The following NKAIN3 variants were observed in gnomAD, a reference collection of about 807,000 sequenced individuals.
NKAIN3 encodes the protein sodium/potassium-transporting ATPase subunit beta-1-interacting protein 3.
A neutral mutation model predicts 30.2 loss-of-function variants in NKAIN3; 25 were observed. The observed-to-expected ratio is 0.83, with a 90% CI of 0.60 to 1.16. NKAIN3 has a LOEUF of 1.16. NKAIN3 is among the 50% of genes most tolerant of loss of function. The pLI is 0.00. For synonymous variants in NKAIN3, 91 were observed against 89.6 expected, an observed-to-expected ratio of 1.02 and a Z score of -0.09; for missense variants, 225 against 254.1, an observed-to-expected ratio of 0.89 and a Z score of 0.78.
At position 62,576,554 on chromosome 8, in the gene NKAIN3, A is replaced by G. The variant is rs150037538; in HGVS notation, c.55-2985A>G. Among the ~76,000 whole-genome samples, 124 of 152,240 alleles carry G rather than the reference A, an allele frequency of 8.1e-4. 2 individuals are homozygous for G. The East Asian group carries it at 0.022, about 27-fold the overall frequency. On this transcript the variant is annotated intron_variant, in intron 1 of 6. Coordinates refer to ENST00000623646, the MANE Select transcript of NKAIN3 (RefSeq NM_001304533.3). ...CCTTCCACTGCTTTTCTGAATCACA[A>G]CCACTGTTTTCTAGGTGCCATATTC...
intron 3 of NKAIN3, among the ~76,000 whole-genome samples, chr8:62,736,907 T>C (rs1320281264): frequency 6.6e-6 from 1 of 152,182 alleles, no homozygotes; most frequent in Non-Finnish European, 1.5e-5. Flanking sequence ...CCCTATATTT[T>C]CCTCAGCTCT....
chr8:62,595,855 A>G (rs1449445293), intron 3 of NKAIN3, among the ~76,000 whole-genome samples: 1 of 151,962 alleles, frequency 6.6e-6, no homozygotes, highest in African/African-American at 2.4e-5. Flanking sequence ...CCAGGGGTCT[A>G]TGGTAGCTCT....
intron 1 of NKAIN3, among the ~76,000 whole-genome samples, chr8:62,542,970 T>G (rs1027513655): frequency 5.9e-5 from 9 of 152,192 alleles, no homozygotes; most frequent in African/African-American, 2.2e-4. Context: ...GGCTCTTGTA[T>G]TTCTGATCTC....
chr8:62,394,079 C>A (rs1017269075), intron 1 of NKAIN3, among the ~76,000 whole-genome samples: 18 of 152,190 alleles, frequency 1.2e-4, no homozygotes, highest in African/African-American at 4.3e-4. Context: ...TCATTTATTT[C>A]TTTTTTGTCT....
intron 4 of NKAIN3, among the ~76,000 whole-genome samples, chr8:62,787,173 G>A (rs1443136231): frequency 6.6e-6 from 1 of 152,082 alleles, no homozygotes; most frequent in Non-Finnish European, 1.5e-5. Context: ...TTCCTTGAAA[G>A]GCATGGCATT....
chr8:62,955,653 C>A (rs948157644), intron 6 of NKAIN3, among the ~76,000 whole-genome samples: 1 of 152,090 alleles, frequency 6.6e-6, no homozygotes, highest in Non-Finnish European at 1.5e-5. Flanking sequence ...ATGAAATTTT[C>A]TTCTTGAATG....
intron 3 of NKAIN3, among the ~76,000 whole-genome samples, chr8:62,721,272 G>A (rs1815082458): frequency 1.3e-5 from 2 of 152,242 alleles, no homozygotes; most frequent in South Asian, 4.1e-4. Context: ...AACTATGAGA[G>A]TTTTAAATTG....
chr8:62,652,247 G>A (rs1812644243), intron 3 of NKAIN3, among the ~76,000 whole-genome samples: 1 of 152,038 alleles, frequency 6.6e-6, no homozygotes, highest in African/African-American at 2.4e-5. Flanking sequence ...ACTATTACTT[G>A]GCAATTTTTA....
At chr8:62,305,952 G>A (rs888894312) in intron 1 of NKAIN3, among the ~76,000 whole-genome samples, 2 of 150,474 alleles carry the variant, frequency 1.3e-5, no homozygotes, top group Admixed American at 6.6e-5. Context: ...ATTCAGTGGG[G>A]CACAAAAGAA....
At chr8:62,685,046 A>G (rs1048706896) in intron 3 of NKAIN3, among the ~76,000 whole-genome samples, 2 of 152,196 alleles carry the variant, frequency 1.3e-5, no homozygotes, top group Non-Finnish European at 2.9e-5. Context: ...TGCTGTACAC[A>G]TAACATCCCA....
chr8:62,287,165 C>G lies in NKAIN3; in HGVS notation c.54+38038C>G, dbSNP rs771294937. ...TCTGAGACATGCAGATTACAGTAGC[C>G]CTTTGGCTCATACGAGGTTGTGATA... On this transcript the variant is annotated intron_variant, in intron 1 of 6. Coordinates refer to ENST00000623646, the MANE Select transcript of NKAIN3 (RefSeq NM_001304533.3). Among the ~76,000 whole-genome samples the G allele has an allele frequency of 4.0e-5, 6 of 151,028 alleles. No individual in the cohort carries two copies. In the East Asian group the frequency reaches 1.2e-3, roughly 30 times the overall value.
At chr8:62,298,640 C>T (rs1265875582) in intron 1 of NKAIN3, among the ~76,000 whole-genome samples, 4 of 152,106 alleles carry the variant, frequency 2.6e-5, no homozygotes, top group African/African-American at 7.2e-5. Context: ...TACTCCTCCT[C>T]GGTAAGCCAT....
rs188592522 is a variant in NKAIN3, at chr8:62,463,285, G to A, written c.55-116254G>A. Among the ~76,000 whole-genome samples the A allele has an allele frequency of 1.9e-3, 284 of 152,244 alleles. 1 individual carries two copies. The highest frequency in any genetic ancestry group is 5.9e-3 in the Admixed American group (90 of 15,302). On this transcript the variant is annotated intron_variant, in intron 1 of 6. Coordinates refer to ENST00000623646, the MANE Select transcript of NKAIN3 (RefSeq NM_001304533.3). Reference sequence around the variant, plus strand: ...ATTTTGAATCTATCTTAGGCACAGTGGAATGCTTATTAGCAATTAATATTG... The same window carrying A: ...ATTTTGAATCTATCTTAGGCACAGTAGAATGCTTATTAGCAATTAATATTG...
At chr8:62,423,112 C>G (rs546731608) in intron 1 of NKAIN3, among the ~76,000 whole-genome samples, 3 of 152,114 alleles carry the variant, frequency 2.0e-5, no homozygotes, top group South Asian at 2.1e-4. Context: ...CTGGAAGTGA[C>G]ACAAATCACT....
chr8:62,897,602 T>C (rs1821470397), intron 4 of NKAIN3, among the ~76,000 whole-genome samples: 1 of 152,144 alleles, frequency 6.6e-6, no homozygotes, highest in African/African-American at 2.4e-5. Context: ...CAAGGTGCTA[T>C]GGTTTGTTTT....
At chr8:62,733,258 G>C (rs1459759343) in intron 3 of NKAIN3, among the ~76,000 whole-genome samples, 1 of 151,994 alleles carries the variant, frequency 6.6e-6, no homozygotes, top group African/African-American at 2.4e-5. Context: ...TCATAAGTTA[G>C]GCATTATTTT....
At chr8:62,789,481 A>G (rs1307215188) in intron 4 of NKAIN3, among the ~76,000 whole-genome samples, 3 of 152,164 alleles carry the variant, frequency 2.0e-5, no homozygotes, top group Admixed American at 2.0e-4. Context: ...ATCTGAAAAC[A>G]GGGACAATTT....
intron 2 of NKAIN3, among the ~76,000 whole-genome samples, chr8:62,587,979 C>T (rs1276201870): frequency 6.6e-6 from 1 of 151,832 alleles, no homozygotes; most frequent in Non-Finnish European, 1.5e-5. Flanking sequence ...AATACCTGTG[C>T]ATTTAGGAAT....
intron 5 of NKAIN3, 74 bp downstream of exon 5, chr8:62,918,587 G>A (rs903038437): frequency 3.9e-5 from 37 of 948,842 alleles, no homozygotes; most frequent in Non-Finnish European, 6.1e-5. Context: ...TCATTACAGG[G>A]CTATGAAATG....
Sources: gnomAD v4.1 joint callset for allele counts (sites outside exome capture counted in the v4.1 genomes callset) on GRCh38, gnomAD v4.1.1 for gene constraint, MANE v1.5 for transcripts, NCBI Gene and HGNC (gene_info 2026-07-23, HGNC 2026-07-21) for gene names.